Variants in ARHGAP26 observed in about 807,000 individuals in gnomAD.
The protein encoded by ARHGAP26 is Rho GTPase activating protein 26.
ARHGAP26 carries 38 observed loss-of-function variants against 104.8 expected under a neutral mutation model. The observed-to-expected ratio is 0.36, with a 90% CI of 0.28 to 0.48. The LOEUF is 0.48. ARHGAP26 is among the 20% of genes least tolerant of loss of function. ARHGAP26 has a pLI of 0.99. For missense variants in ARHGAP26, 704 were observed against 947.9 expected, an observed-to-expected ratio of 0.74 and a Z score of 3.38; for synonymous variants, 341 against 340.0, an observed-to-expected ratio of 1.00 and a Z score of -0.03.
chr5:142,838,065 C>T (rs1769954355), intron 1 of ARHGAP26, among the ~76,000 whole-genome samples: 1 of 152,074 alleles, frequency 6.6e-6, no homozygotes, highest in Non-Finnish European at 1.5e-5. Flanking sequence ...TCGAGACCAA[C>T]ATGGCCAACA....
intron 1 of ARHGAP26, among the ~76,000 whole-genome samples, chr5:142,773,269 A>C (rs1755622588): frequency 6.6e-6 from 1 of 152,228 alleles, no homozygotes; most frequent in African/African-American, 2.4e-5. Context: ...TAAATACATA[A>C]TTATATAAAC....
intron 12 of ARHGAP26, among the ~76,000 whole-genome samples, chr5:143,022,430 A>G (rs557542307): frequency 1.3e-5 from 2 of 152,146 alleles, no homozygotes; most frequent in Non-Finnish European, 2.9e-5. Context: ...TTTTTAGTAA[A>G]GGGCCAGATA....
chr5:142,784,706 A>G (rs1638493967), intron 1 of ARHGAP26, among the ~76,000 whole-genome samples: 1 of 152,150 alleles, frequency 6.6e-6, no homozygotes, highest in Non-Finnish European at 1.5e-5. Context: ...TGTTTTTTAA[A>G]AACAGCTTTT....
At chr5:143,002,279 C>T (rs1346170111) in intron 11 of ARHGAP26, among the ~76,000 whole-genome samples, 2 of 151,912 alleles carry the variant, frequency 1.3e-5, no homozygotes, top group Non-Finnish European at 2.9e-5. Context: ...GTGCTGCATA[C>T]CATCCCGAGG....
chr5:142,838,916 A>G (rs1770161269), intron 1 of ARHGAP26, among the ~76,000 whole-genome samples: 1 of 152,326 alleles, frequency 6.6e-6, no homozygotes, highest in Admixed American at 6.5e-5. Flanking sequence ...CTCTTAGCTT[A>G]TGGTCTTTTT....
intron 1 of ARHGAP26, among the ~76,000 whole-genome samples, chr5:142,842,495 T>A (rs532754910): frequency 6.6e-6 from 1 of 152,226 alleles, no homozygotes; most frequent in Non-Finnish European, 1.5e-5. Flanking sequence ...ATTCTTAGGT[T>A]CAGCACCCAG....
intron 11 of ARHGAP26, among the ~76,000 whole-genome samples, chr5:143,009,249 G>A (rs13186673): frequency 0.014 from 2,092 of 152,102 alleles, 21 homozygotes; most frequent in Middle Eastern, 0.058. Context: ...TCTTCCTTCC[G>A]GTGATTCACC....
chr5:142,919,241 C>T (rs1762882788), intron 10 of ARHGAP26: 1 of 398,430 alleles, frequency 2.5e-6, no homozygotes, highest in South Asian at 1.3e-4. Flanking sequence ...TGGACATGTA[C>T]ACGAGAAGAT....
chr5:143,121,945 G>T (rs1466337287), intron 18 of ARHGAP26, among the ~76,000 whole-genome samples: 2 of 152,140 alleles, frequency 1.3e-5, no homozygotes. Flanking sequence ...TAAAAACTTT[G>T]CCTAGAATGG....
intron 1 of ARHGAP26, among the ~76,000 whole-genome samples, chr5:142,826,178 A>G (rs935595196): frequency 7.9e-5 from 12 of 152,318 alleles, no homozygotes; most frequent in Middle Eastern, 3.4e-3. Context: ...TGTCTTTTAT[A>G]TATTTAACAG....
intron 20 of ARHGAP26, among the ~76,000 whole-genome samples, chr5:143,154,438 G>C (rs1800232257): frequency 6.6e-6 from 1 of 152,188 alleles, no homozygotes; most frequent in Admixed American, 6.5e-5. Context: ...TTTTAGTACT[G>C]TGTATGGCAA....
In ARHGAP26 at chr5:143,016,519, A is replaced by G. The variant is rs1197816575; in HGVS notation, c.1144+2403A>G. The stretch of plus-strand genomic sequence containing the variant: ...GGAGTTAGAGACCAGCCTGGCCAAC[A>G]TGGTGAAACCCTGTCTCTGCTAAAA... On this transcript the variant is annotated intron_variant, in intron 12 of 22. Coordinates refer to ENST00000645722, the MANE Select transcript of ARHGAP26 (RefSeq NM_001135608.3). Among the ~76,000 whole-genome samples, 5 of 152,178 alleles carry G rather than the reference A, an allele frequency of 3.3e-5. No individual in the cohort carries two copies. The East Asian group carries it at 9.6e-4, about 29-fold the overall frequency.
At chr5:143,124,206 T>C (rs1796458259) in intron 18 of ARHGAP26, among the ~76,000 whole-genome samples, 1 of 152,206 alleles carries the variant, frequency 6.6e-6, no homozygotes, top group Admixed American at 6.5e-5. Context: ...AGGTATTTAC[T>C]TTGTGCTTCG....
rs1794844893 is a variant in ARHGAP26 at position 143,112,074 on chromosome 5, A to G, written c.1539-8914A>G. ...CGTGTGGCAGTGAGGGAGGCTGATG[A>G]CATACCTGTCCTCTTGGAGCTCTGC... On this transcript the variant is annotated intron_variant, in intron 17 of 22. Transcript: ENST00000645722. 2.0e-5 allele frequency among the ~76,000 whole-genome samples: 3 copies of G among 152,224 alleles called. No individual in the cohort carries two copies. In the South Asian group the frequency reaches 6.2e-4, roughly 31 times the overall value.
At chr5:143,210,636 G>A (rs1310839992) in intron 21 of ARHGAP26, among the ~76,000 whole-genome samples, 1 of 152,156 alleles carries the variant, frequency 6.6e-6, no homozygotes, top group African/African-American at 2.4e-5. Context: ...ACTTGCATTT[G>A]CCCAGGGGTC....
At chr5:142,917,596 T>A (rs1762660081) in intron 10 of ARHGAP26, among the ~76,000 whole-genome samples, 1 of 152,218 alleles carries the variant, frequency 6.6e-6, no homozygotes, top group Non-Finnish European at 1.5e-5. Flanking sequence ...CGTGACTAAA[T>A]TAAAAGAAGC....
At chr5:142,882,665 C>T (rs1188113629) in intron 4 of ARHGAP26, among the ~76,000 whole-genome samples, 1 of 152,244 alleles carries the variant, frequency 6.6e-6, no homozygotes, top group African/African-American at 2.4e-5. Context: ...GAGCTCACCA[C>T]TGTCACCACC....
chr5:142,876,626 T>C (rs1756136574), intron 3 of ARHGAP26, among the ~76,000 whole-genome samples: 1 of 151,516 alleles, frequency 6.6e-6, no homozygotes, highest in Admixed American at 6.6e-5. Context: ...AATTTTTTTT[T>C]TTAAGAAGAC....
chr5:143,039,259 G>A (rs1282202949), intron 13 of ARHGAP26, among the ~76,000 whole-genome samples: 1 of 152,082 alleles, frequency 6.6e-6, no homozygotes, highest in African/African-American at 2.4e-5. Context: ...TTAGGCTGGA[G>A]TGCAGTGGCT....
Sources: allele counts gnomAD v4.1 joint callset (sites outside exome capture counted in the v4.1 genomes callset), GRCh38; gene constraint gnomAD v4.1.1; transcripts MANE v1.5; gene names NCBI Gene and HGNC (gene_info 2026-07-23, HGNC 2026-07-21).